Variants in SYT16 observed in about 807,000 individuals in gnomAD.
SYT16 encodes synaptotagmin 16, also known as synaptotagmin-16.
A neutral mutation model predicts 61.4 loss-of-function variants in SYT16; 42 were observed. The observed-to-expected ratio is 0.68, with a 90% CI of 0.53 to 0.89. The LOEUF (loss-of-function observed/expected upper bound fraction) is 0.89. Ranked by LOEUF, SYT16 falls within the 40% of genes least tolerant of loss-of-function variation. The pLI, the probability that SYT16 is intolerant of heterozygous loss-of-function variation, is 0.00. For synonymous variants in SYT16, 314 were observed against 302.3 expected (o/e 1.04, Z -0.40); for missense variants, 804 against 807.3 (o/e 1.00, Z 0.05).
intron 1 of SYT16, among the ~76,000 whole-genome samples, chr14:61,834,251 C>T (rs1594721681): frequency 6.6e-6 from 1 of 151,840 alleles, no homozygotes; most frequent in Non-Finnish European, 1.5e-5. Context: ...CTGCCTCAGC[C>T]TCCTGAGTAG....
At chr14:61,919,044 C>A (rs758630360) in intron 1 of SYT16, among the ~76,000 whole-genome samples, 1 of 152,146 alleles carries the variant, frequency 6.6e-6, no homozygotes, top group Non-Finnish European at 1.5e-5. Context: ...TCTTTTTTAA[C>A]CTGCCTTTGG....
intron 1 of SYT16, among the ~76,000 whole-genome samples, chr14:61,857,093 G>A (rs1043242311): frequency 6.6e-6 from 1 of 152,142 alleles, no homozygotes; most frequent in African/African-American, 2.4e-5. Flanking sequence ...AAGTGAGATA[G>A]TGAAAGAAGA....
At chr14:61,893,064 C>T (rs1006769778) in intron 1 of SYT16, among the ~76,000 whole-genome samples, 4 of 152,186 alleles carry the variant, frequency 2.6e-5, no homozygotes, top group South Asian at 2.1e-4. Context: ...GCCGTTATAG[C>T]GACACTCATG....
intron 1 of SYT16, among the ~76,000 whole-genome samples, chr14:61,875,383 G>A (rs1163488069): frequency 1.3e-5 from 2 of 152,132 alleles, no homozygotes; most frequent in African/African-American, 4.8e-5. Flanking sequence ...TGTGGATTGG[G>A]TGTACATAAA....
At chr14:61,826,390 A>G (rs903140961) in intron 1 of SYT16, among the ~76,000 whole-genome samples, 1 of 152,048 alleles carries the variant, frequency 6.6e-6, no homozygotes, top group South Asian at 2.1e-4. Context: ...GTTCTCATCA[A>G]TGTTATAACA....
chr14:61,912,466 T>C (rs1293012573), intron 1 of SYT16, among the ~76,000 whole-genome samples: 1 of 152,244 alleles, frequency 6.6e-6, no homozygotes, highest in African/African-American at 2.4e-5. Context: ...ATTATTGAGC[T>C]AAGGCAAGGT....
In SYT16 at chr14:61,872,434, A is replaced by G. The variant is rs148870700; in HGVS notation, c.-325+59624A>G. Among the ~76,000 whole-genome samples, 275 of 152,226 alleles carry G rather than the reference A, an allele frequency of 1.8e-3. 1 individual carries two copies. Among genetic ancestry groups the G allele is most frequent in the African/African-American group, 6.3e-3 (263 of 41,538 alleles). ...TTATAATTTTCTCCCTTAATATACC[A>G]TCATACCTGGGGCTGTCTTATCTAA... On this transcript the variant is annotated intron_variant, in intron 1 of 7. Transcript: ENST00000683842.
intron 3 of SYT16, among the ~76,000 whole-genome samples, chr14:62,033,316 T>C (rs556495459): frequency 6.6e-6 from 1 of 152,070 alleles, no homozygotes; most frequent in Non-Finnish European, 1.5e-5. Flanking sequence ...TTTGACAATA[T>C]GACTGATAAG....
chr14:61,842,857 A>G (rs1424787002), intron 1 of SYT16, among the ~76,000 whole-genome samples: 3 of 152,106 alleles, frequency 2.0e-5, no homozygotes, highest in South Asian at 2.1e-4. Context: ...GCACACCAAC[A>G]TGGCACATGT....
At chr14:61,898,250 C>A (rs217678) in intron 1 of SYT16, among the ~76,000 whole-genome samples, 1 of 152,162 alleles carries the variant, frequency 6.6e-6, no homozygotes, top group Admixed American at 6.5e-5. Context: ...CACCTCCCCC[C>A]ACTCCTACCT....
chr14:61,843,879 C>A (rs984564719), intron 1 of SYT16, among the ~76,000 whole-genome samples: 1 of 152,006 alleles, frequency 6.6e-6, no homozygotes, highest in African/African-American at 2.4e-5. Context: ...ATCATTTTGG[C>A]TATTCTGGGT....
chr14:61,958,887 C>T (rs931286869), intron 1 of SYT16, among the ~76,000 whole-genome samples: 33 of 151,896 alleles, frequency 2.2e-4, no homozygotes, highest in Non-Finnish European at 2.2e-4. Flanking sequence ...ACCTATTTTT[C>T]ACTTCAGATT....
At chr14:62,032,279 T>C (rs943265933) in intron 3 of SYT16, among the ~76,000 whole-genome samples, 1 of 152,132 alleles carries the variant, frequency 6.6e-6, no homozygotes, top group African/African-American at 2.4e-5. Context: ...AGGATGCTAT[T>C]AAGGTAATTT....
intron 1 of SYT16, among the ~76,000 whole-genome samples, chr14:61,859,083 T>G (rs550446740): frequency 6.6e-6 from 1 of 151,934 alleles, no homozygotes. Flanking sequence ...ATGGTCTTGA[T>G]CTCCTGACCT....
chr14:62,048,895 A>C (rs2055130498), intron 3 of SYT16, among the ~76,000 whole-genome samples: 1 of 152,194 alleles, frequency 6.6e-6, no homozygotes, highest in Non-Finnish European at 1.5e-5. Context: ...TTTACTTCCA[A>C]CTATGTGGCC....
intron 1 of SYT16, among the ~76,000 whole-genome samples, chr14:61,923,455 A>C (rs1029107641): frequency 2.6e-5 from 4 of 152,218 alleles, no homozygotes; most frequent in Non-Finnish European, 4.4e-5. Context: ...GGTTTATTAC[A>C]GAATCAAGCA....
chr14:61,908,040 A>G (rs1285769195), intron 1 of SYT16, among the ~76,000 whole-genome samples: 2 of 152,234 alleles, frequency 1.3e-5, no homozygotes, highest in African/African-American at 4.8e-5. Flanking sequence ...TTGATCATTT[A>G]ATACTATACT....
chr14:61,912,824 C>T (rs1003675065), intron 1 of SYT16, among the ~76,000 whole-genome samples: 3 of 152,150 alleles, frequency 2.0e-5, no homozygotes, highest in African/African-American at 7.2e-5. Context: ...GTCCCCATCA[C>T]TGTAATCTCT....
intron 3 of SYT16, among the ~76,000 whole-genome samples, chr14:62,032,637 C>T (rs1449027735): frequency 6.6e-6 from 1 of 151,426 alleles, no homozygotes; most frequent in Non-Finnish European, 1.5e-5. Flanking sequence ...ATTAGTTTTG[C>T]AAGCAAAACT....
Sources: allele counts gnomAD v4.1 joint callset (sites outside exome capture counted in the v4.1 genomes callset), GRCh38; gene constraint gnomAD v4.1.1; transcripts MANE v1.5; gene names NCBI Gene and HGNC (gene_info 2026-07-23, HGNC 2026-07-21).